The following MYOC variants were observed in gnomAD, a reference collection of about 807,000 sequenced individuals.
The protein encoded by MYOC is juvenile-onset open-angle glaucoma 1.
A neutral mutation model predicts 28.2 loss-of-function variants in MYOC; 29 were observed. The observed-to-expected ratio is 1.03, with a 90% CI of 0.77 to 1.40. The LOEUF (loss-of-function observed/expected upper bound fraction) is 1.40. Among genes scored for constraint, MYOC ranks in the 40% most tolerant of loss-of-function variants. The pLI, the probability that MYOC is intolerant of heterozygous loss-of-function variation, is 0.00. For missense variants in MYOC, 569 were observed against 620.6 expected, an observed-to-expected ratio of 0.92 and a Z score of 0.88; for synonymous variants, 240 against 245.6, an observed-to-expected ratio of 0.98 and a Z score of 0.21.
At chr1:171,636,834 G>A (rs1652935210) in intron 2 of MYOC, 125 bp from the exon 3 acceptor site, 3 of 1,081,064 alleles carry the variant, frequency 2.8e-6, no homozygotes, top group African/African-American at 1.5e-5. Context: ...AATCGTCTGG[G>A]TTTAAAGCTA....
intron 2 of MYOC, among the ~76,000 whole-genome samples, 181 bp from the exon 3 acceptor site, chr1:171,636,890 C>T (rs1356924657): frequency 7.9e-5 from 12 of 152,298 alleles, no homozygotes; most frequent in African/African-American, 2.9e-4. Context: ...AGTTACTTAG[C>T]TCTCTACGCC....
chr1:171,645,475 G>C (rs1001400466), intron 1 of MYOC, among the ~76,000 whole-genome samples: 20 of 152,184 alleles, frequency 1.3e-4, no homozygotes, highest in Non-Finnish European at 4.4e-5. Flanking sequence ...CTGATGTGCT[G>C]AACCTCACCT....
At chr1:171,641,831 C>T (rs141004208) in intron 1 of MYOC, among the ~76,000 whole-genome samples, 3 of 152,246 alleles carry the variant, frequency 2.0e-5, no homozygotes, top group South Asian at 2.1e-4. Flanking sequence ...CCTACACAGC[C>T]GAGAGGGTCG....
chr1:171,639,824 G>A (rs1653029777), intron 1 of MYOC, among the ~76,000 whole-genome samples: 1 of 151,492 alleles, frequency 6.6e-6, no homozygotes, highest in South Asian at 2.1e-4. Context: ...GGTGGCACAT[G>A]CCTGTAGTTC....
chr1:171,646,688 G>T (rs1653214545), intron 1 of MYOC, among the ~76,000 whole-genome samples: 1 of 151,874 alleles, frequency 6.6e-6, no homozygotes, highest in African/African-American at 2.4e-5. Context: ...GTAGAGACAG[G>T]GTTTTACCAT....
In MYOC at chr1:171,636,360, G is replaced by A; in HGVS notation, c.1080C>T (p.Ile360=). ...NTETVKAEKE[I]PGAGYHGQFP... is the part of the protein sequence containing the mutation. ...ACTGTCCGTGGTAGCCAGCTCCAGG[G>A]ATTTCCTTCTCAGCCTTCACTGTCT... Residue 360 remains isoleucine, a synonymous_variant, in exon 3 of 3, where the codon ATC becomes ATT. Transcript: ENST00000037502. 3 of 1,613,962 alleles carry A rather than the reference G, an allele frequency of 1.9e-6. No individual in the cohort carries two copies. The South Asian group carries it at 3.3e-5, about 18-fold the overall frequency.
chr1:171,650,385 C>G (rs1201661436), intron 1 of MYOC, among the ~76,000 whole-genome samples: 1 of 152,202 alleles, frequency 6.6e-6, no homozygotes, highest in Non-Finnish European at 1.5e-5. Context: ...ACCTTGGCCC[C>G]TTAGCATCTT....
At chr1:171,641,263 G>A (rs1653072256) in intron 1 of MYOC, among the ~76,000 whole-genome samples, 1 of 152,074 alleles carries the variant, frequency 6.6e-6, no homozygotes, top group Non-Finnish European at 1.5e-5. Context: ...AGAGGAAGGG[G>A]GCACACTAAG....
At chr1:171,641,574 T>C (rs1293630232) in intron 1 of MYOC, among the ~76,000 whole-genome samples, 2 of 152,084 alleles carry the variant, frequency 1.3e-5, no homozygotes, top group Non-Finnish European at 2.9e-5. Flanking sequence ...ATGAAAGCTG[T>C]CCTCCCAGGT....
intron 1 of MYOC, among the ~76,000 whole-genome samples, chr1:171,644,472 T>A (rs1187808846): frequency 1.3e-5 from 2 of 151,798 alleles, no homozygotes; most frequent in African/African-American, 4.8e-5. Context: ...CCTTTTGCTA[T>A]AGAGGGAAGG....
At chr1:171,647,700 T>C (rs1653236932) in intron 1 of MYOC, among the ~76,000 whole-genome samples, 1 of 152,196 alleles carries the variant, frequency 6.6e-6, no homozygotes, top group South Asian at 2.1e-4. Context: ...CATCCTATTC[T>C]AGGTGAGGAA....
intron 1 of MYOC, among the ~76,000 whole-genome samples, chr1:171,640,966 T>C (rs1653061736): frequency 6.6e-6 from 1 of 152,074 alleles, no homozygotes; most frequent in South Asian, 2.1e-4. Flanking sequence ...TATGATACTA[T>C]AATGGTGGAC....
At chr1:171,641,794 G>T (rs1283219227) in intron 1 of MYOC, among the ~76,000 whole-genome samples, 6 of 152,188 alleles carry the variant, frequency 3.9e-5, no homozygotes, top group Non-Finnish European at 7.3e-5. Context: ...TGGGAGGAAA[G>T]TCAGTGCATC....
At position 171,636,014 on chromosome 1, in the gene MYOC, T is replaced by C. The variant is rs764112994; in HGVS notation, c.1426A>G (p.Met476Val). ...PFKNRYKYSS[M>V]IDYNPLEKKL... Reference sequence around the variant, plus strand: ...TTCTCCAGGGGGTTGTAGTCAATCATGCTGCTGTACTTATAGCGGTTCTTG... The same window carrying C: ...TTCTCCAGGGGGTTGTAGTCAATCACGCTGCTGTACTTATAGCGGTTCTTG... Residue 476 changes from methionine to valine, a missense_variant, in exon 3 of 3, where the codon ATG becomes GTG. Met to Val is a conservative substitution (Grantham distance 21). Transcript: ENST00000037502. The C allele has an allele frequency of 1.2e-6, 2 of 1,614,134 alleles. No individual in the cohort carries two copies. The highest frequency in any genetic ancestry group is 1.7e-6 in the Non-Finnish European group (2 of 1,180,050).
At chr1:171,641,005 A>T (rs1653062771) in intron 1 of MYOC, among the ~76,000 whole-genome samples, 1 of 152,172 alleles carries the variant, frequency 6.6e-6, no homozygotes, top group African/African-American at 2.4e-5. Flanking sequence ...GTCTAAACCC[A>T]TAGAAGGCGC....
chr1:171,636,464 C>A lies in MYOC; in HGVS notation c.976G>T (p.Gly326Cys). 1 of 1,614,126 alleles carries A rather than the reference C, an allele frequency of 6.2e-7. No individual in the cohort carries two copies. Among genetic ancestry groups the A allele is most frequent in the Non-Finnish European group, 8.5e-7 (1 of 1,180,000 alleles). ...AGGCTCCCCGAGTACACCACAGCAC[C>A]CGTGCTTTCCAGTGGCCTAGGCAGT... ...HILPRPLEST[G>C]AVVYSGSLYF... The change falls in exon 3 of 3, where the codon GGT becomes TGT. Residue 326 changes from glycine to cysteine, a missense_variant. Transcript: ENST00000037502.
intron 1 of MYOC, among the ~76,000 whole-genome samples, chr1:171,646,326 T>C (rs1653204120): frequency 1.3e-5 from 2 of 152,124 alleles, no homozygotes. Context: ...ATAAATGAAA[T>C]GGCCCTCAAT....
At chr1:171,648,670 ATTTATATGTATTATATG>A (rs1653263084) in intron 1 of MYOC, among the ~76,000 whole-genome samples, 1 of 147,862 alleles carries the variant, frequency 6.8e-6, no homozygotes, top group Non-Finnish European at 1.5e-5. Flanking sequence ...AATTATATAT[ATTTATATGTATTATATG>A]TAATATATAT....
intron 1 of MYOC, among the ~76,000 whole-genome samples, chr1:171,645,434 G>A (rs1469974707): frequency 1.3e-5 from 2 of 152,162 alleles, no homozygotes; most frequent in African/African-American, 2.4e-5. Flanking sequence ...ACCAGCTGAG[G>A]CCTGCACACC....
Sources: allele counts gnomAD v4.1 joint callset (sites outside exome capture counted in the v4.1 genomes callset), GRCh38; gene constraint gnomAD v4.1.1; transcripts MANE v1.5; gene names NCBI Gene and HGNC (gene_info 2026-07-23, HGNC 2026-07-21).